Variants in MYT1L observed in about 807,000 individuals in gnomAD.
MYT1L encodes myelin transcription factor 1-like protein.
A neutral mutation model predicts 126.7 loss-of-function variants in MYT1L; 12 were observed. The observed-to-expected ratio is 0.09, with a 90% confidence interval of 0.06 to 0.15. The LOEUF is 0.15. Ranked by LOEUF, MYT1L falls within the 10% of genes least tolerant of loss-of-function variation. The pLI is 1.00. For synonymous variants in MYT1L, 541 were observed against 604.2 expected (o/e 0.90, Z 1.53); for missense variants, 979 against 1,585.2 (o/e 0.62, Z 6.49).
At chr2:2,171,114 G>A (rs1376052457) in intron 3 of MYT1L, among the ~76,000 whole-genome samples, 1 of 152,096 alleles carries the variant, frequency 6.6e-6, no homozygotes, top group African/African-American at 2.4e-5. Context: ...CAGTCTCCAG[G>A]GCAAAGCAGG....
chr2:2,002,534 G>A (rs1311696980), intron 4 of MYT1L, among the ~76,000 whole-genome samples: 1 of 152,174 alleles, frequency 6.6e-6, no homozygotes, highest in African/African-American at 2.4e-5. Context: ...CAATGAGGAT[G>A]GAATGTATGA....
chr2:2,298,888 G>T (rs943242880), intron 1 of MYT1L, among the ~76,000 whole-genome samples: 27 of 152,024 alleles, frequency 1.8e-4, no homozygotes. Flanking sequence ...GTGTCTCGCT[G>T]TGTCCCCAGG....
At chr2:1,802,049 T>C (rs2034951549) in intron 22 of MYT1L, 4 of 371,850 alleles carry the variant, frequency 1.1e-5, no homozygotes, top group African/African-American at 2.1e-5. Flanking sequence ...CCCAGGCACT[T>C]TGAGGGTCGA....
At chr2:1,984,215 G>A (rs1351714524) in intron 5 of MYT1L, among the ~76,000 whole-genome samples, 1 of 152,084 alleles carries the variant, frequency 6.6e-6, no homozygotes, top group African/African-American at 2.4e-5. Flanking sequence ...AGATTATAAT[G>A]TATATATATT....
At chr2:2,168,446 A>G (rs2089509772) in intron 3 of MYT1L, among the ~76,000 whole-genome samples, 1 of 152,228 alleles carries the variant, frequency 6.6e-6, no homozygotes. Flanking sequence ...TTCACACTTC[A>G]TACACTTACT....
At chr2:2,205,020 C>A (rs991934008) in intron 2 of MYT1L, among the ~76,000 whole-genome samples, 1 of 149,414 alleles carries the variant, frequency 6.7e-6, no homozygotes. Context: ...GGACAAAAAA[C>A]CAAACACTGC....
rs189243047 is a variant in MYT1L, at chr2:2,003,050, A to G, written c.-157-5703T>C. Among the ~76,000 whole-genome samples the G allele has an allele frequency of 2.6e-5, 4 of 152,276 alleles. No individual in the cohort carries two copies. The East Asian group carries it at 7.7e-4, about 29-fold the overall frequency. ...TGTAGCAGCATGAGAATGGACTAATATACCTTGGGAATTGCTGAGAACCAA... is the reference window on the plus strand; with the variant it reads ...TGTAGCAGCATGAGAATGGACTAATGTACCTTGGGAATTGCTGAGAACCAA... On this transcript the variant is annotated intron_variant, in intron 4 of 24. Transcript: ENST00000647738.
intron 9 of MYT1L, among the ~76,000 whole-genome samples, chr2:1,941,542 C>A (rs71442311): frequency 0.029 from 4,380 of 151,990 alleles, 92 homozygotes; most frequent in Non-Finnish European, 0.046. Context: ...GCCTTGTGTC[C>A]CTGGTAGATT....
intron 4 of MYT1L, among the ~76,000 whole-genome samples, chr2:2,037,240 T>C (rs1025456255): frequency 3.3e-5 from 5 of 152,230 alleles, no homozygotes; most frequent in African/African-American, 1.2e-4. Flanking sequence ...GTCTGTCTGT[T>C]GGTTTCTGCC....
intron 19 of MYT1L, among the ~76,000 whole-genome samples, chr2:1,849,087 A>T (rs1297396898): frequency 6.6e-6 from 1 of 152,120 alleles, no homozygotes; most frequent in Admixed American, 6.5e-5. Context: ...ACAGTCTAAG[A>T]TATATGTAAA....
At chr2:1,946,565 C>T (rs2057247229) in intron 8 of MYT1L, among the ~76,000 whole-genome samples, 1 of 151,942 alleles carries the variant, frequency 6.6e-6, no homozygotes, top group South Asian at 2.1e-4. Flanking sequence ...AAGATGAGGG[C>T]AGTTAGATGA....
At chr2:2,154,139 C>T (rs1479984048) in intron 3 of MYT1L, among the ~76,000 whole-genome samples, 1 of 152,272 alleles carries the variant, frequency 6.6e-6, no homozygotes, top group South Asian at 2.1e-4. Context: ...GGTTTACGTC[C>T]CTGTTCTCTA....
chr2:2,304,474 T>C (rs546910156), intron 1 of MYT1L, among the ~76,000 whole-genome samples: 2 of 152,308 alleles, frequency 1.3e-5, no homozygotes, highest in South Asian at 4.1e-4. Context: ...CCAAGTGTCT[T>C]GTCTGTGCTA....
chr2:2,004,253 GC>G (rs1372932125), intron 4 of MYT1L, among the ~76,000 whole-genome samples: 1 of 147,632 alleles, frequency 6.8e-6, no homozygotes. Context: ...GTTCTTTCCT[GC>G]AGGCGTTCTT....
rs137899286 is a variant in MYT1L, at chr2:1,867,977, CT to C, written c.2712-16275del. 4.3e-3 allele frequency among the ~76,000 whole-genome samples: 642 copies of C among 149,310 alleles called. 3 individuals are homozygous for C. Among genetic ancestry groups the C allele is most frequent in the African/African-American group, 0.013 (531 of 40,852 alleles). ...CAACTTTGGCTCTATGCTTTTCTTT[CT>C]TTTTTTTTTGACAGAGTCCTGCTCT... On this transcript the variant is annotated intron_variant, in intron 18 of 24. Coordinates refer to ENST00000647738, the MANE Select transcript of MYT1L (RefSeq NM_001303052.2).
intron 1 of MYT1L, among the ~76,000 whole-genome samples, chr2:2,312,029 A>G (rs17247190): frequency 0.19 from 28,186 of 152,156 alleles, 3,316 homozygotes; most frequent in South Asian, 0.28. Context: ...AAACAAGCCT[A>G]GATTTGTGGG....
intron 2 of MYT1L, among the ~76,000 whole-genome samples, chr2:2,187,822 C>T (rs888226670): frequency 6.6e-6 from 1 of 152,104 alleles, no homozygotes; most frequent in Admixed American, 6.5e-5. Flanking sequence ...TCTCAATACA[C>T]CTATGAGTAC....
intron 18 of MYT1L, among the ~76,000 whole-genome samples, chr2:1,857,931 C>T (rs113568964): frequency 0.045 from 6,785 of 151,838 alleles, 196 homozygotes; most frequent in South Asian, 0.1. Context: ...GGTGCAATCT[C>T]GGCTCACTGC....
chr2:1,791,475 C>A lies in MYT1L; in HGVS notation c.*392G>T. On this transcript the variant is annotated 3_prime_UTR_variant, in exon 25 of 25. Coordinates refer to ENST00000647738, the MANE Select transcript of MYT1L (RefSeq NM_001303052.2). The surrounding 1 kb of genome is among the most constrained non-coding windows in gnomAD (Gnocchi z 6.0). ...ATTCAAAGCTGTGGGTCTGTGTGTG[C>A]GTGTGTGTGTTTGTGTGTCCATTTC... The A allele has an allele frequency of 2.9e-6, 1 of 344,652 alleles. No individual in the cohort carries two copies. The highest frequency in any genetic ancestry group is 4.3e-5 in the Admixed American group (1 of 23,000). 21.3% of individuals were successfully genotyped at this position (344,652 alleles called of 1,614,324 possible).
Sources: allele counts gnomAD v4.1 joint callset (sites outside exome capture counted in the v4.1 genomes callset), GRCh38; gene constraint gnomAD v4.1.1; non-coding constraint Gnocchi (gnomAD v3.1); transcripts MANE v1.5; gene names NCBI Gene and HGNC (gene_info 2026-07-23, HGNC 2026-07-21).